PIK3R1: variants seen among roughly 807,000 people sequenced by gnomAD.
PIK3R1 encodes phosphatidylinositol 3-kinase regulatory subunit alpha.
In PIK3R1, 29 loss-of-function variants were observed where a neutral mutation model predicts 98.0. The ratio of observed to expected loss-of-function variants is 0.30; its 90% CI spans 0.22 to 0.40. PIK3R1 has a LOEUF of 0.40. Ranked by LOEUF, PIK3R1 falls within the 10% of genes least tolerant of loss-of-function variation. PIK3R1 has a pLI of 1.00. For missense variants in PIK3R1, 596 were observed against 872.7 expected (o/e 0.68, Z 3.99); for synonymous variants, 282 against 311.8 (o/e 0.90, Z 1.01).
At position 68,298,584 on chromosome 5, in the gene PIK3R1, T is replaced by G; in HGVS notation, c.*983T>G. 4.4e-6 allele frequency: 1 copy of G among 226,742 alleles called. No individual in the cohort carries two copies. Among genetic ancestry groups the G allele is most frequent in the Non-Finnish European group, 8.6e-6 (1 of 115,634 alleles). The allele number at this position is 226,742 out of a possible 1,614,324, so 14.0% of individuals were successfully genotyped here. On this transcript the variant is annotated 3_prime_UTR_variant, in exon 16 of 16. Coordinates refer to ENST00000521381, the MANE Select transcript of PIK3R1 (RefSeq NM_181523.3). The stretch of plus-strand genomic sequence containing the variant: ...ACAGGATGCCAGTAAAAAAAAAAAA[T>G]GGCTTCAGAATTAAAACTATGAAAT...
chr5:68,293,864 A>T, intron 11 of PIK3R1, 30 bp downstream of exon 11: 1 of 1,515,172 alleles, frequency 6.6e-7, no homozygotes, highest in Admixed American at 2.4e-5. Flanking sequence ...CAGATTAAAA[A>T]ATAAGAGTTC....
chr5:68,265,229 A>C (rs1477483940), intron 2 of PIK3R1, among the ~76,000 whole-genome samples: 1 of 86,664 alleles, frequency 1.2e-5, no homozygotes, highest in African/African-American at 4.9e-5. Context: ...CCACTGCCTC[A>C]AACTACTGCC....
chr5:68,259,370 A>C (rs987158509), intron 2 of PIK3R1, among the ~76,000 whole-genome samples: 1 of 152,200 alleles, frequency 6.6e-6, no homozygotes, highest in Admixed American at 6.5e-5. Flanking sequence ...CAGGGCACTG[A>C]AAGTCATTCT....
chr5:68,279,798 GT>G, intron 5 of PIK3R1, 65 bp downstream of exon 5: 1 of 1,486,206 alleles, frequency 6.7e-7, no homozygotes, highest in Non-Finnish European at 9.4e-7. Flanking sequence ...GCTTGTATAT[GT>G]CTTGCATATA....
At position 68,298,901 on chromosome 5, in the gene PIK3R1, G is replaced by A. The variant is rs1747879675; in HGVS notation, c.*1300G>A. The A allele has an allele frequency of 4.3e-6, 1 of 233,262 alleles. No individual in the cohort carries two copies. Among genetic ancestry groups the A allele is most frequent in the African/African-American group, 2.2e-5 (1 of 45,284 alleles). 14.4% of individuals were successfully genotyped at this position (233,262 alleles called of 1,614,324 possible). A position where few individuals can be genotyped will look rare whatever the true frequency, so the allele number is the denominator to read the frequency against. On this transcript the variant is annotated 3_prime_UTR_variant, in exon 16 of 16. Transcript: ENST00000521381. Reference sequence around the variant, plus strand: ...AATGTAGTGAAGGGATGTATCAAGTGGGGTGGTGGGAGGGGGAGGCAAGGT... The same window carrying A: ...AATGTAGTGAAGGGATGTATCAAGTAGGGTGGTGGGAGGGGGAGGCAAGGT...
In PIK3R1 at chr5:68,299,330, G is replaced by A. The variant is rs1747909698; in HGVS notation, c.*1729G>A. The A allele has an allele frequency of 8.8e-6, 2 of 226,112 alleles. No homozygotes were observed. Among genetic ancestry groups the A allele is most frequent in the Admixed American group, 5.9e-5 (1 of 16,912 alleles). 14.0% of individuals were successfully genotyped at this position (226,112 alleles called of 1,614,324 possible). On this transcript the variant is annotated 3_prime_UTR_variant, in exon 16 of 16. Coordinates refer to ENST00000521381, the MANE Select transcript of PIK3R1 (RefSeq NM_181523.3). ...TAAAGCAAATAGACACAGTCATACTGTCACTGCTCTGGACTGTGTGGAGCT... is the reference window on the plus strand; with the variant it reads ...TAAAGCAAATAGACACAGTCATACTATCACTGCTCTGGACTGTGTGGAGCT...
At chr5:68,250,488 A>G (rs1745264566) in intron 2 of PIK3R1, among the ~76,000 whole-genome samples, 1 of 152,222 alleles carries the variant, frequency 6.6e-6, no homozygotes, top group South Asian at 2.1e-4. Flanking sequence ...AATAGAAGCT[A>G]TGATAAGTGA....
intron 2 of PIK3R1, among the ~76,000 whole-genome samples, chr5:68,263,762 C>T (rs1746004848): frequency 6.6e-6 from 1 of 152,156 alleles, no homozygotes; most frequent in African/African-American, 2.4e-5. Flanking sequence ...ATTTCTTCTG[C>T]ACCAGCTGAT....
At chr5:68,230,871 T>C (rs1744437894) in intron 2 of PIK3R1, among the ~76,000 whole-genome samples, 1 of 152,244 alleles carries the variant, frequency 6.6e-6, no homozygotes, top group Non-Finnish European at 1.5e-5. Context: ...AGAGAACCTC[T>C]TCCATGTTTT....
rs200582275 is a variant in PIK3R1, at chr5:68,298,734, TA to T, written c.*1141del. Reference sequence around the variant, plus strand: ...TAAGCTTCAAAGCTGCTTTATTCAATAAAAAAAAGAAATGAAAAAGATATAT... The same window carrying T: ...TAAGCTTCAAAGCTGCTTTATTCAATAAAAAAAGAAATGAAAAAGATATAT... On this transcript the variant is annotated 3_prime_UTR_variant, in exon 16 of 16. Transcript: ENST00000521381. 1.7e-5 allele frequency: 4 copies of T among 232,632 alleles called. No homozygotes were observed. In the East Asian group the frequency reaches 1.8e-4, roughly 11 times the overall value. 14.4% of individuals were successfully genotyped at this position (232,632 alleles called of 1,614,324 possible).
chr5:68,226,931 A>G lies in PIK3R1; in HGVS notation c.256A>G (p.Thr86Ala). The G allele has an allele frequency of 6.2e-7, 1 of 1,614,154 alleles. No homozygotes were observed. The highest frequency in any genetic ancestry group is 8.5e-7 in the Non-Finnish European group (1 of 1,180,000). Residue 86 changes from threonine to alanine, a missense_variant, in exon 2 of 16, where the codon ACA becomes GCA. Thr to Ala is a moderately conservative substitution (Grantham distance 58, BLOSUM62 0). Around this residue, in one of 3 missense-constraint regions of PIK3R1, gnomAD observed 352 missense variants for 393.3 expected, o/e 0.90. Transcript: ENST00000521381. Reference sequence around the variant, plus strand: ...TGGAAGGAAAAAAATCTCGCCTCCCACACCAAAGCCCCGGCCACCTCGGCC... The same window carrying G: ...TGGAAGGAAAAAAATCTCGCCTCCCGCACCAAAGCCCCGGCCACCTCGGCC... ...YIGRKKISPP[T>A]PKPRPPRPLP...
At position 68,268,189 on chromosome 5, in the gene PIK3R1, T is replaced by C. The variant is rs79368842; in HGVS notation, c.335-5201T>C. On this transcript the variant is annotated intron_variant, in intron 2 of 15. Coordinates refer to ENST00000521381, the MANE Select transcript of PIK3R1 (RefSeq NM_181523.3). ...ACTAACTTGCCCAAGACTACTGAAT[T>C]CAGTAAGTGGCAAAGCAAGGATTAA... 4.4e-3 allele frequency among the ~76,000 whole-genome samples: 671 copies of C among 152,268 alleles called. 6 individuals carry two copies. Among genetic ancestry groups the C allele is most frequent in the African/African-American group, 0.016 (650 of 41,554 alleles).
chr5:68,260,657 A>G (rs1745702822), intron 2 of PIK3R1, among the ~76,000 whole-genome samples: 1 of 152,162 alleles, frequency 6.6e-6, no homozygotes, highest in Admixed American at 6.5e-5. Context: ...AATGAGGTTG[A>G]TGTGTTTCAC....
At chr5:68,235,401 A>T (rs1256654710) in intron 2 of PIK3R1, among the ~76,000 whole-genome samples, 2 of 145,322 alleles carry the variant, frequency 1.4e-5, no homozygotes, top group East Asian at 2.0e-4. Flanking sequence ...AAAGTGTCTC[A>T]AAATAAATAA....
chr5:68,246,907 A>G (rs1745117094), intron 2 of PIK3R1, among the ~76,000 whole-genome samples: 1 of 136 alleles, frequency 7.4e-3, no homozygotes, highest in African/African-American at 0.1. Flanking sequence ...TAGTAAGAGA[A>G]AAAAAAAAAT....
In PIK3R1 at chr5:68,288,710, A is replaced by T. The variant is rs563139410; in HGVS notation, c.917-3549A>T. 1.9e-5 allele frequency: 30 copies of T among 1,613,416 alleles called. No individual in the cohort carries two copies. In the South Asian group the frequency reaches 2.9e-4, roughly 15 times the overall value. The stretch of plus-strand genomic sequence containing the variant: ...TTTTTTTTTTTTCATTGTCGGATAC[A>T]GGCATTTCAAAGGGAAACCGTTGAA... On this transcript the variant is annotated intron_variant, in intron 7 of 15. Transcript: ENST00000521381.
intron 2 of PIK3R1, among the ~76,000 whole-genome samples, chr5:68,256,268 C>T (rs1013186959): frequency 1.3e-5 from 2 of 152,174 alleles, no homozygotes; most frequent in Non-Finnish European, 2.9e-5. Flanking sequence ...CTCGCTCTGT[C>T]GCACAGGGTG....
intron 14 of PIK3R1, chr5:68,295,778 A>G (rs181715440): frequency 6.2e-5 from 31 of 498,652 alleles, no homozygotes; most frequent in African/African-American, 5.5e-4. Context: ...AGTCAGAGAA[A>G]AAATAATTAT....
At chr5:68,275,052 GT>G (rs1193667254) in intron 4 of PIK3R1, among the ~76,000 whole-genome samples, 1 of 152,176 alleles carries the variant, frequency 6.6e-6, no homozygotes, top group East Asian at 1.9e-4. Context: ...TAGAAAAGAG[GT>G]TTTTTTGGAG....
Sources: gnomAD v4.1 joint callset for allele counts (sites outside exome capture counted in the v4.1 genomes callset) on GRCh38, gnomAD v4.1.1 for gene constraint, gnomAD v4.1.1 regional missense constraint, MANE v1.5 for transcripts, NCBI Gene and HGNC (gene_info 2026-07-23, HGNC 2026-07-21) for gene names.